The following BCAR3 variants were observed in gnomAD, a reference collection of about 807,000 sequenced individuals.
BCAR3 encodes the protein breast cancer anti-estrogen resistance protein 3.
Under a neutral mutation model 80.1 loss-of-function variants are expected in BCAR3, and 37 were observed. The observed-to-expected ratio is 0.46, with a 90% CI of 0.36 to 0.61. BCAR3 has a LOEUF of 0.61. Ranked by LOEUF, BCAR3 falls within the 20% of genes least tolerant of loss-of-function variation. The pLI is 0.00. For missense variants in BCAR3, 978 were observed against 1,068.2 expected, an observed-to-expected ratio of 0.92 and a Z score of 1.18; for synonymous variants, 389 against 418.9, an observed-to-expected ratio of 0.93 and a Z score of 0.87.
chr1:93,564,947 C>T (rs1006382928), intron 11 of BCAR3, among the ~76,000 whole-genome samples: 5 of 152,142 alleles, frequency 3.3e-5, no homozygotes, highest in Non-Finnish European at 7.3e-5. Context: ...TGGTTCTCAT[C>T]CTTTATTATT....
chr1:93,821,424 G>A (rs184512326), intron 2 of BCAR3, among the ~76,000 whole-genome samples: 1 of 152,346 alleles, frequency 6.6e-6, no homozygotes, highest in East Asian at 1.9e-4. Flanking sequence ...TGCAGATGGA[G>A]TTCAGAGGTG....
chr1:93,575,843 A>G (rs1673432431), intron 8 of BCAR3, among the ~76,000 whole-genome samples, 171 bp downstream of exon 8: 1 of 152,230 alleles, frequency 6.6e-6, no homozygotes, highest in African/African-American at 2.4e-5. Flanking sequence ...GTGCAACTCC[A>G]GGAATTCTCA....
rs149607479 is a variant in BCAR3 at position 93,622,054 on chromosome 1, T to G, written c.357+20250A>C. Among the ~76,000 whole-genome samples the G allele has an allele frequency of 3.8e-3, 573 of 152,208 alleles. 4 individuals carry two copies. Among genetic ancestry groups the G allele is most frequent in the Non-Finnish European group, 5.0e-3 (337 of 67,994 alleles). On this transcript the variant is annotated intron_variant, in intron 3 of 11. Transcript: ENST00000260502. ...GCCTGGCTAATTTTTGTATTTTTAGTAGAGATGGGCTAATTTTTGTATTTT... is the reference window on the plus strand; with the variant it reads ...GCCTGGCTAATTTTTGTATTTTTAGGAGAGATGGGCTAATTTTTGTATTTT...
chr1:93,779,134 G>A (rs1219137990), intron 2 of BCAR3, among the ~76,000 whole-genome samples: 2 of 152,176 alleles, frequency 1.3e-5, no homozygotes, highest in Admixed American at 6.5e-5. Context: ...AGGGAGAAGC[G>A]CCGATGCTGA....
intron 1 of BCAR3, chr1:93,681,002 C>T (rs1233556917): frequency 3.9e-5 from 6 of 152,404 alleles, no homozygotes; most frequent in African/African-American, 1.2e-4. Context: ...AGCAACACAA[C>T]CAACTATTCA....
rs781674742 is a variant in BCAR3 at position 93,567,892 on chromosome 1, A to G, written c.1975-41T>C. 2.1e-5 allele frequency: 33 copies of G among 1,552,932 alleles called. No individual in the cohort carries two copies. In the East Asian group the frequency reaches 7.4e-4, roughly 35 times the overall value. On this transcript the variant is annotated intron_variant, in intron 9 of 11. Coordinates refer to ENST00000260502, the MANE Select transcript of BCAR3 (RefSeq NM_003567.4). ...TGTTTTGGAAAAGGTTCTTTTTAAA[A>G]TTACCTTTTAGTGGCTGGGCGTGGT...
chr1:93,643,528 A>G (rs1676056015), intron 2 of BCAR3, among the ~76,000 whole-genome samples: 1 of 144,412 alleles, frequency 6.9e-6, no homozygotes. Flanking sequence ...TCTGGGTGAC[A>G]GAACAAGACT....
Position 93,703,296 on chromosome 1 carries a change from C to A in BCAR3, c.-12+2796G>T, listed in dbSNP as rs1027073153. 2.6e-5 allele frequency among the ~76,000 whole-genome samples: 4 copies of A among 152,298 alleles called. No individual in the cohort carries two copies. In the Middle Eastern group the frequency reaches 0.01, roughly 389 times the overall value. On this transcript the variant is annotated intron_variant, in intron 3 of 13. Coordinates refer to the BCAR3 transcript ENST00000370244. The stretch of plus-strand genomic sequence containing the variant: ...GGGATTTTTAAAAAGTGAAACACAG[C>A]CAGGCACAGTGGCTCACACCTGTAA...
At chr1:93,825,732 G>T (rs1211884232) in intron 2 of BCAR3, among the ~76,000 whole-genome samples, 1 of 152,126 alleles carries the variant, frequency 6.6e-6, no homozygotes, top group Non-Finnish European at 1.5e-5. Context: ...CAGAGGAGAG[G>T]GTATCATTTA....
intron 2 of BCAR3, among the ~76,000 whole-genome samples, chr1:93,655,095 C>A (rs1243927472): frequency 6.6e-6 from 1 of 152,176 alleles, no homozygotes; most frequent in Non-Finnish European, 1.5e-5. Flanking sequence ...GCGTTCGGGG[C>A]AGCAGCAGGA....
intron 1 of BCAR3, among the ~76,000 whole-genome samples, chr1:93,676,324 A>G (rs1390496844): frequency 1.3e-5 from 2 of 152,210 alleles, no homozygotes; most frequent in African/African-American, 4.8e-5. Context: ...AAGAAAACGC[A>G]TGTGTTTGTA....
chr1:93,718,688 C>CTTTTTTTTTT (rs71094259), intron 2 of BCAR3, among the ~76,000 whole-genome samples: 14 of 77,048 alleles, frequency 1.8e-4, no homozygotes, highest in East Asian at 4.1e-4. Context: ...CATTGTTTTT[C>CTTTTTTTTTT]TTTTTTTTTT....
chr1:93,703,787 G>A (rs1370141134), intron 3 of BCAR3, among the ~76,000 whole-genome samples: 1 of 152,160 alleles, frequency 6.6e-6, no homozygotes, highest in African/African-American at 2.4e-5. Flanking sequence ...AAGGCCCTCT[G>A]CCACTTCTGT....
chr1:93,661,517 C>T (rs1467142667), intron 2 of BCAR3, among the ~76,000 whole-genome samples: 20 of 146,542 alleles, frequency 1.4e-4, no homozygotes. Flanking sequence ...GACGAAGTTT[C>T]GCTCTGTTGC....
At chr1:93,783,791 C>T (rs1652846880) in intron 2 of BCAR3, among the ~76,000 whole-genome samples, 1 of 152,154 alleles carries the variant, frequency 6.6e-6, no homozygotes, top group Non-Finnish European at 1.5e-5. Flanking sequence ...TTTCTGGTCC[C>T]ATCTCTCTTC....
intron 2 of BCAR3, among the ~76,000 whole-genome samples, chr1:93,831,995 C>T (rs1356347705): frequency 6.6e-6 from 1 of 152,170 alleles, no homozygotes; most frequent in Non-Finnish European, 1.5e-5. Context: ...CATCTGGCAA[C>T]AACCCTTAGA....
At chr1:93,610,506 A>C (rs1259680282) in intron 3 of BCAR3, among the ~76,000 whole-genome samples, 2 of 152,230 alleles carry the variant, frequency 1.3e-5, no homozygotes, top group African/African-American at 4.8e-5. Context: ...AACATCAAAA[A>C]CAAAAACAGT....
In BCAR3 at chr1:93,592,063, A is replaced by ATG; in HGVS notation, c.486+200_486+201dup. On this transcript the variant is annotated intron_variant, in intron 4 of 11. Coordinates refer to ENST00000260502, the MANE Select transcript of BCAR3 (RefSeq NM_003567.4). The surrounding 1 kb of genome is among the most constrained non-coding windows in gnomAD (Gnocchi z 4.8). Reference sequence around the variant, plus strand: ...GTCCCTTCACTTCCTGAACATGTGGATGTGTGCTTTGGGTTCTTGACCTCA... The same window carrying ATG: ...GTCCCTTCACTTCCTGAACATGTGGATGTGTGTGCTTTGGGTTCTTGACCTCA... The ATG allele has an allele frequency of 1.6e-6, 1 of 644,142 alleles. No homozygotes were observed. Among genetic ancestry groups the ATG allele is most frequent in the Middle Eastern group, 4.5e-4 (1 of 2,236 alleles). The allele number at this position is 644,142 out of a possible 1,614,324, so 39.9% of individuals were successfully genotyped here.
At chr1:93,751,469 A>C (rs1651554375) in intron 2 of BCAR3, among the ~76,000 whole-genome samples, 1 of 152,138 alleles carries the variant, frequency 6.6e-6, no homozygotes, top group African/African-American at 2.4e-5. Flanking sequence ...CCTGGTACCA[A>C]GCTGGCCTGG....
Sources: allele counts gnomAD v4.1 joint callset (sites outside exome capture counted in the v4.1 genomes callset), GRCh38; gene constraint gnomAD v4.1.1; non-coding constraint Gnocchi (gnomAD v3.1); transcripts MANE v1.5; gene names NCBI Gene and HGNC (gene_info 2026-07-23, HGNC 2026-07-21).